ZMAT1: variants seen among roughly 807,000 people sequenced by gnomAD.
ZMAT1 encodes zinc finger matrin-type protein 1.
Under a neutral mutation model 18.5 loss-of-function variants are expected in ZMAT1, and 11 were observed. The ratio of observed to expected loss-of-function variants is 0.59; its 90% CI spans 0.37 to 0.98. ZMAT1 has a LOEUF of 0.98. Ranked by LOEUF, ZMAT1 falls within the 50% of genes least tolerant of loss-of-function variation. ZMAT1 has a pLI of 0.01. For missense variants in ZMAT1, 525 were observed against 496.2 expected, an observed-to-expected ratio of 1.06 and a Z score of -0.55; for synonymous variants, 211 against 176.4, an observed-to-expected ratio of 1.20 and a Z score of -1.55.
At chrX:101,910,625 C>A (rs1244545293) in intron 1 of ZMAT1, among the ~76,000 whole-genome samples, 1 of 112,092 alleles carries the variant, frequency 8.9e-6, no homozygotes, top group Non-Finnish European at 1.9e-5. Context: ...GCTGAAAAAT[C>A]AACTGGCATA....
intron 1 of ZMAT1, among the ~76,000 whole-genome samples, chrX:101,925,634 TAAATG>T (rs1164160593): frequency 5.3e-5 from 6 of 112,866 alleles, no homozygotes; most frequent in South Asian, 3.5e-4. Context: ...TGGTGAATGT[TAAATG>T]AAATAATTTT....
rs964058863 is a variant in ZMAT1 at position 101,907,554 on chromosome X, C to T, written c.293-3224G>A. ...ACATGAAAAACCAAGAGACATAGCA[C>T]CACCACAAGAACACAGTTTCTTAGT... On this transcript the variant is annotated intron_variant, in intron 1 of 5. Transcript: ENST00000651725. Among the ~76,000 whole-genome samples the T allele has an allele frequency of 3.6e-5, 4 of 112,289 alleles. No homozygotes were observed. The Admixed American group carries it at 3.8e-4, about 11-fold the overall frequency.
chrX:101,928,937 T>TG (rs1930231412), intron 1 of ZMAT1, among the ~76,000 whole-genome samples: 1 of 111,437 alleles, frequency 9.0e-6, no homozygotes. Context: ...TTTTGAAAAA[T>TG]GAAATATGAA....
chrX:101,920,876 C>T (rs149084758), intron 1 of ZMAT1, among the ~76,000 whole-genome samples: 1 of 111,391 alleles, frequency 9.0e-6, no homozygotes, highest in African/African-American at 3.3e-5. Context: ...GGATGGGAAT[C>T]GTTGCCCTAC....
Position 101,931,956 on chromosome X carries a change from T to G in ZMAT1, c.53A>C (p.Gln18Pro), listed in dbSNP as rs966710138. ...VTPLAAESSPQEATVSAASSS... is the reference protein window; with the variant it reads ...VTPLAAESSPPEATVSAASSS... ...GGAGGCGGCAGAGACGGTAGCTTCC[T>G]GAGGGGAAGACTCCGCCGCCAGCGG... The change falls in exon 1 of 6, where the codon CAG (glutamine) becomes CCG (proline). Residue 18 changes from glutamine to proline, a missense_variant. Gln to Pro is a moderately conservative substitution (Grantham distance 76). Transcript: ENST00000651725. 1.3e-6 allele frequency: 1 copy of G among 774,483 alleles called. No homozygotes were observed. Among genetic ancestry groups the G allele is most frequent in the Non-Finnish European group, 1.5e-6 (1 of 653,228 alleles). 63.8% of individuals were successfully genotyped at this position (774,483 alleles called of 1,213,427 possible).
At chrX:101,908,518 A>T (rs1022256996) in intron 1 of ZMAT1, among the ~76,000 whole-genome samples, 1 of 111,775 alleles carries the variant, frequency 8.9e-6, no homozygotes, top group African/African-American at 3.3e-5. Context: ...GATAGAAAAA[A>T]AAAGGTCCTG....
intron 1 of ZMAT1, 150 bp downstream of exon 1, chrX:101,931,567 C>A: frequency 1.8e-6 from 1 of 567,148 alleles, no homozygotes; most frequent in Non-Finnish European, 2.1e-6. Context: ...GCTAATACGG[C>A]GGGGCGGGGC....
intron 1 of ZMAT1, among the ~76,000 whole-genome samples, chrX:101,914,002 C>G (rs370016596): frequency 1.8e-5 from 2 of 111,599 alleles, no homozygotes; most frequent in Admixed American, 9.5e-5. Flanking sequence ...CTTCTCGAAC[C>G]ACAATGGAAT....
At chrX:101,898,656 C>T (rs974586116) in intron 2 of ZMAT1, among the ~76,000 whole-genome samples, 1 of 111,767 alleles carries the variant, frequency 8.9e-6, no homozygotes, top group African/African-American at 3.3e-5. Context: ...ACCCTTCTTC[C>T]TTACTGATTT....
intron 1 of ZMAT1, among the ~76,000 whole-genome samples, chrX:101,926,146 A>G (rs768512058): frequency 1.2e-4 from 13 of 112,247 alleles, no homozygotes; most frequent in African/African-American, 4.2e-4. Context: ...CAATAGTAAT[A>G]GAGGGATGTT....
chrX:101,916,157 C>T (rs1157460648), intron 1 of ZMAT1, among the ~76,000 whole-genome samples: 2 of 109,042 alleles, frequency 1.8e-5, no homozygotes, highest in South Asian at 4.1e-4. Flanking sequence ...AACCAAACAC[C>T]GCATTTCTCA....
Position 101,884,290 on chromosome X carries a change from C to T in ZMAT1, c.1308G>A (p.Gln436=), listed in dbSNP as rs1926739498. 3.3e-6 allele frequency: 4 copies of T among 1,207,407 alleles called. No homozygotes were observed. Among genetic ancestry groups the T allele is most frequent in the Non-Finnish European group, 2.2e-6 (2 of 894,497 alleles). The change falls in exon 6 of 6, where the codon CAG becomes CAA. Residue 436 remains glutamine (Q), a synonymous_variant. Coordinates refer to ENST00000651725, the MANE Select transcript of ZMAT1 (RefSeq NM_001394560.1). ...HISPVESQLP[Q]WLPTHSKRTY... The stretch of plus-strand genomic sequence containing the variant: ...TCCTCTTTGAATGGGTTGGTAGCCA[C>T]TGAGGTAACTGGCTTTCCACTGGTG...
Position 101,883,464 on chromosome X carries a change from CTGTT to C in ZMAT1, c.*42_*45del, listed in dbSNP as rs1484902520. ...GTTCCTTTTTCTAAATCCATATTGA[CTGTT>C]TTTTTTTTTCAATTCAACCTTGGGT... is the stretch of plus-strand genomic sequence containing the variant. On this transcript the variant is annotated 3_prime_UTR_variant, in exon 6 of 6. Transcript: ENST00000651725. The C allele has an allele frequency of 3.9e-6, 4 of 1,018,855 alleles. No individual in the cohort carries two copies. The highest frequency in any genetic ancestry group is 5.3e-6 in the Non-Finnish European group (4 of 761,797). The allele number at this position is 1,018,855 out of a possible 1,213,427, so 84.0% of individuals were successfully genotyped here.
At chrX:101,918,485 A>ACACACACACACAC (rs1331139026) in intron 1 of ZMAT1, 4 of 63,283 alleles carry the variant, frequency 6.3e-5, no homozygotes, top group Non-Finnish European at 1.4e-4. Context: ...CACACACACA[A>ACACACACACACAC]AAATTAGCTG....
At chrX:101,927,871 A>T (rs1385453462) in intron 1 of ZMAT1, among the ~76,000 whole-genome samples, 2 of 112,424 alleles carry the variant, frequency 1.8e-5, no homozygotes, top group African/African-American at 6.5e-5. Context: ...GGGTATGCTT[A>T]AGTTAGTCTT....
intron 1 of ZMAT1, among the ~76,000 whole-genome samples, chrX:101,907,975 G>C (rs1449248185): frequency 1.8e-5 from 2 of 112,104 alleles, no homozygotes; most frequent in Non-Finnish European, 3.8e-5. Context: ...TATTTTAAAA[G>C]TTATGTTAGA....
At chrX:101,931,045 C>T (rs1292358845) in intron 1 of ZMAT1, among the ~76,000 whole-genome samples, 1 of 111,667 alleles carries the variant, frequency 9.0e-6, no homozygotes, top group Non-Finnish European at 1.9e-5. Context: ...TTCCTGAAAT[C>T]TGTACTTCTG....
At chrX:101,893,909 G>A (rs186455318) in intron 4 of ZMAT1, among the ~76,000 whole-genome samples, 76 of 111,446 alleles carry the variant, frequency 6.8e-4, no homozygotes, top group African/African-American at 2.4e-3. Flanking sequence ...CATAGATCAT[G>A]CCAGGAAGTA....
intron 4 of ZMAT1, among the ~76,000 whole-genome samples, chrX:101,893,084 T>G (rs936968591): frequency 8.9e-6 from 1 of 111,923 alleles, no homozygotes; most frequent in Non-Finnish European, 1.9e-5. Flanking sequence ...CAGAGGCTAA[T>G]GTAAAGTGAT....
Sources: allele counts gnomAD v4.1 joint callset (sites outside exome capture counted in the v4.1 genomes callset), GRCh38; gene constraint gnomAD v4.1.1; transcripts MANE v1.5; gene names NCBI Gene and HGNC (gene_info 2026-07-23, HGNC 2026-07-21).